The following RAPH1 variants were observed in gnomAD, a reference collection of about 807,000 sequenced individuals.
RAPH1 encodes the protein Ras association (RalGDS/AF-6) and pleckstrin homology domains 1, also known as ras-associated and pleckstrin homology domains-containing protein 1.
A neutral mutation model predicts 88.1 loss-of-function variants in RAPH1; 18 were observed. The ratio of observed to expected loss-of-function variants is 0.20; its 90% confidence interval spans 0.14 to 0.30. RAPH1 has a LOEUF of 0.30. Ranked by LOEUF, RAPH1 falls within the 10% of genes least tolerant of loss-of-function variation. The pLI is 1.00. For synonymous variants in RAPH1, 587 were observed against 559.0 expected, an observed-to-expected ratio of 1.05 and a Z score of -0.71; for missense variants, 1,448 against 1,543.2, an observed-to-expected ratio of 0.94 and a Z score of 1.03.
chr2:203,481,591 A>T (rs1295633887), intron 4 of RAPH1, among the ~76,000 whole-genome samples: 1 of 147,296 alleles, frequency 6.8e-6, no homozygotes, highest in Non-Finnish European at 1.5e-5. Flanking sequence ...ATATATATAT[A>T]TATACACATT....
At position 203,490,013 on chromosome 2, in the gene RAPH1, G is replaced by A; in HGVS notation, c.303C>T (p.Ser101=). The change falls in exon 4 of 14, where the codon AGC becomes AGT. Residue 101 remains serine (S), a synonymous_variant. Transcript: ENST00000319170. The part of the protein sequence containing the change: ...ADLCSIEQEL[S]SIGSGNSKRQ... ...GCTTACTGTTTCCTGAACCAATGCT[G>A]CTGAGCTCCTGCTCTATAGAGCAAA... 6.2e-7 allele frequency: 1 copy of A among 1,614,198 alleles called. No homozygotes were observed. The highest frequency in any genetic ancestry group is 1.1e-5 in the South Asian group (1 of 91,082).
At chr2:203,450,270 T>C (rs1269562300) in intron 10 of RAPH1, among the ~76,000 whole-genome samples, 1 of 152,226 alleles carries the variant, frequency 6.6e-6, no homozygotes, top group African/African-American at 2.4e-5. Context: ...TTCTATTCTT[T>C]GCTTTTCAGA....
At chr2:203,453,803 G>A (rs2098516835) in intron 10 of RAPH1, among the ~76,000 whole-genome samples, 1 of 151,956 alleles carries the variant, frequency 6.6e-6, no homozygotes, top group African/African-American at 2.4e-5. Flanking sequence ...ATTTTTGTAT[G>A]TCGTTTTTAT....
chr2:203,440,823 G>T lies in RAPH1; in HGVS notation c.2367C>A (p.Thr789=), dbSNP rs751523907. 3.1e-6 allele frequency: 5 copies of T among 1,598,368 alleles called. No individual in the cohort carries two copies. The Admixed American group carries it at 8.5e-5, about 27-fold the overall frequency. ...CAACAGGTGCCACAGTCTTGGTGCT[G>T]GTTGGTGCGGGGATGGTCACAAGGG... is the stretch of plus-strand genomic sequence containing the variant. ...PKPLVTIPAP[T]STKTVAPVVT... The change falls in exon 14 of 14, where the codon ACC becomes ACA. Residue 789 remains threonine, a synonymous_variant. Transcript: ENST00000319170.
At chr2:203,489,078 A>C (rs1199654067) in intron 4 of RAPH1, among the ~76,000 whole-genome samples, 1 of 151,908 alleles carries the variant, frequency 6.6e-6, no homozygotes, top group Non-Finnish European at 1.5e-5. Flanking sequence ...GCGAGCTGAG[A>C]TCACGCCACT....
chr2:203,524,879 TA>T (rs536272465), intron 1 of RAPH1, among the ~76,000 whole-genome samples: 1 of 152,116 alleles, frequency 6.6e-6, no homozygotes, highest in South Asian at 2.1e-4. Flanking sequence ...AGTAAGGCAA[TA>T]AAAAATTTTT....
intron 4 of RAPH1, among the ~76,000 whole-genome samples, chr2:203,466,619 G>T (rs762852406): frequency 6.6e-6 from 1 of 152,158 alleles, no homozygotes; most frequent in Non-Finnish European, 1.5e-5. Context: ...TAAGTTTTCT[G>T]CCCCATATCC....
intron 4 of RAPH1, chr2:203,470,240 T>C: frequency 6.2e-7 from 1 of 1,609,096 alleles, no homozygotes; most frequent in Non-Finnish European, 8.5e-7. Flanking sequence ...AAGTATCACC[T>C]TGGTCAGCAA....
intron 1 of RAPH1, among the ~76,000 whole-genome samples, chr2:203,520,202 A>G (rs1689801511): frequency 6.6e-6 from 1 of 152,020 alleles, no homozygotes; most frequent in African/African-American, 2.4e-5. Context: ...CCTGGTGGCA[A>G]CCACCTGTGG....
At chr2:203,511,324 CA>C (rs1689333234) in intron 1 of RAPH1, among the ~76,000 whole-genome samples, 1 of 148,586 alleles carries the variant, frequency 6.7e-6, no homozygotes, top group Non-Finnish European at 1.5e-5. Context: ...AAATATTAAT[CA>C]AAAGAAACCA....
At chr2:203,466,079 A>G (rs1312848601) in intron 4 of RAPH1, among the ~76,000 whole-genome samples, 1 of 152,230 alleles carries the variant, frequency 6.6e-6, no homozygotes, top group African/African-American at 2.4e-5. Flanking sequence ...ATGCTTACAT[A>G]AAGTGGTCCA....
At position 203,496,218 on chromosome 2, in the gene RAPH1, C is replaced by T. The variant is rs559238499; in HGVS notation, c.1-865G>A. Among the ~76,000 whole-genome samples the T allele has an allele frequency of 5.8e-4, 88 of 152,130 alleles. 1 individual carries two copies. The highest frequency in any genetic ancestry group is 3.4e-3 in the Middle Eastern group (1 of 294). ...TACTAAAAATACAAAATTGGCAGGG[C>T]GTGGTGGTGCATGTCTGTAATCCCA... is the stretch of plus-strand genomic sequence containing the variant. On this transcript the variant is annotated intron_variant, in intron 1 of 13. Transcript: ENST00000319170.
chr2:203,525,245 G>A (rs549935092), intron 1 of RAPH1, among the ~76,000 whole-genome samples: 1 of 152,274 alleles, frequency 6.6e-6, no homozygotes, highest in East Asian at 1.9e-4. Flanking sequence ...GAGTGCAATG[G>A]CACAATCTTG....
chr2:203,498,088 C>A (rs1200639944), intron 1 of RAPH1, among the ~76,000 whole-genome samples: 1 of 152,156 alleles, frequency 6.6e-6, no homozygotes, highest in East Asian at 1.9e-4. Flanking sequence ...ATTGGAATAA[C>A]CCAGAAAATA....
intron 1 of RAPH1, among the ~76,000 whole-genome samples, chr2:203,502,688 C>T (rs896076018): frequency 4.6e-5 from 7 of 151,300 alleles, no homozygotes; most frequent in Admixed American, 2.0e-4. Flanking sequence ...GGTGTGGTGG[C>T]AGGTGCCTGT....
At chr2:203,527,887 G>A (rs985507035) in intron 1 of RAPH1, among the ~76,000 whole-genome samples, 2 of 151,666 alleles carry the variant, frequency 1.3e-5, no homozygotes, top group African/African-American at 4.8e-5. Context: ...TGAAACAAAG[G>A]TGGAGGAGAG....
intron 1 of RAPH1, among the ~76,000 whole-genome samples, chr2:203,510,265 G>C (rs1689276839): frequency 6.7e-6 from 1 of 148,672 alleles, no homozygotes; most frequent in South Asian, 2.1e-4. Context: ...GAACCTGGGA[G>C]GCAGAGGTTG....
Position 203,477,251 on chromosome 2 carries a change from G to C in RAPH1, c.732+12333C>G, listed in dbSNP as rs2105766567. 3.3e-6 allele frequency: 3 copies of C among 900,204 alleles called. No individual in the cohort carries two copies. The East Asian group carries it at 7.4e-5, about 22-fold the overall frequency. 55.8% of individuals were successfully genotyped at this position (900,204 alleles called of 1,614,324 possible). On this transcript the variant is annotated intron_variant, in intron 4 of 13. Coordinates refer to ENST00000319170, the MANE Select transcript of RAPH1 (RefSeq NM_213589.3). ...AGGAAGAGAAAAAGATCAATGAAGT[G>C]AAACAAAACAGTAATGAAACAAAAT... is the stretch of plus-strand genomic sequence containing the variant.
chr2:203,485,556 T>C (rs1454252902), intron 4 of RAPH1, among the ~76,000 whole-genome samples: 1 of 152,160 alleles, frequency 6.6e-6, no homozygotes, highest in Non-Finnish European at 1.5e-5. Flanking sequence ...TAAACAATAT[T>C]ACCTGGAGAT....
Sources: allele counts gnomAD v4.1 joint callset (sites outside exome capture counted in the v4.1 genomes callset), GRCh38; gene constraint gnomAD v4.1.1; transcripts MANE v1.5; gene names NCBI Gene and HGNC (gene_info 2026-07-23, HGNC 2026-07-21).